The following MCTP1 variants were observed in gnomAD, a reference collection of about 807,000 sequenced individuals.
MCTP1 encodes the protein multiple C2 and transmembrane domain-containing protein 1.
In MCTP1, 69 loss-of-function variants were observed where a neutral mutation model predicts 120.6. That is an observed-to-expected ratio of 0.57 (90% confidence interval 0.47 to 0.70). MCTP1 has a LOEUF of 0.70. Among genes scored for constraint, MCTP1 ranks in the 30% least tolerant of loss-of-function variants. The pLI is 0.00. For missense variants in MCTP1, 1,203 were observed against 1,248.8 expected (o/e 0.96, Z 0.55); for synonymous variants, 529 against 493.1 (o/e 1.07, Z -0.96).
intron 1 of MCTP1, among the ~76,000 whole-genome samples, chr5:95,183,025 C>CAAAA (rs554887788): frequency 3.9e-5 from 4 of 102,390 alleles, no homozygotes; most frequent in African/African-American, 1.5e-4. Context: ...GACTCCGTCT[C>CAAAA]AAAAAAAAAA....
intron 19 of MCTP1, among the ~76,000 whole-genome samples, chr5:94,744,529 A>T (rs868363484): frequency 1.1e-4 from 17 of 150,482 alleles, no homozygotes; most frequent in African/African-American, 4.2e-4. Context: ...TTTGAGACAG[A>T]GTCTTGCTCT....
intron 1 of MCTP1, among the ~76,000 whole-genome samples, chr5:95,140,120 G>C (rs773120651): frequency 2.0e-5 from 3 of 152,282 alleles, no homozygotes; most frequent in Middle Eastern, 3.4e-3. Flanking sequence ...TGCAGAAAAG[G>C]CATCTCATTT....
intron 17 of MCTP1, among the ~76,000 whole-genome samples, chr5:94,801,592 G>A (rs143148852): frequency 8.5e-4 from 130 of 152,230 alleles, no homozygotes; most frequent in African/African-American, 2.6e-3. Context: ...GTGTTCTGGC[G>A]TCATGGATGG....
intron 19 of MCTP1, among the ~76,000 whole-genome samples, chr5:94,749,652 C>T (rs1767777683): frequency 2.4e-5 from 1 of 42,304 alleles, no homozygotes; most frequent in African/African-American, 1.2e-4. Context: ...AAGACTTCAT[C>T]TCAAAAAAAA....
intron 17 of MCTP1, among the ~76,000 whole-genome samples, chr5:94,801,577 T>A (rs959622560): frequency 4.6e-5 from 7 of 152,230 alleles, no homozygotes; most frequent in African/African-American, 1.4e-4. Context: ...TTCATTTGAC[T>A]TAGTGTGTTC....
At chr5:95,153,651 G>A (rs1303559113) in intron 1 of MCTP1, among the ~76,000 whole-genome samples, 4 of 152,212 alleles carry the variant, frequency 2.6e-5, no homozygotes, top group South Asian at 2.1e-4. Context: ...AAAAAGCTCA[G>A]CACAATGGCA....
intron 1 of MCTP1, among the ~76,000 whole-genome samples, chr5:95,248,130 T>A (rs1757007024): frequency 2.0e-5 from 3 of 152,188 alleles, no homozygotes; most frequent in Non-Finnish European, 4.4e-5. Flanking sequence ...GGATGCCCTT[T>A]CTCACCACTC....
chr5:94,947,773 G>A (rs1333692671), intron 3 of MCTP1, among the ~76,000 whole-genome samples: 1 of 149,362 alleles, frequency 6.7e-6, no homozygotes, highest in African/African-American at 2.5e-5. Flanking sequence ...ATGCCACCAT[G>A]TCTGGCTTTA....
chr5:95,109,457 T>C (rs894147370), intron 1 of MCTP1, among the ~76,000 whole-genome samples: 1 of 152,170 alleles, frequency 6.6e-6, no homozygotes, highest in African/African-American at 2.4e-5. Context: ...CTGGCAATTT[T>C]CTCTTCATCC....
chr5:94,837,530 A>G (rs959913972), intron 17 of MCTP1, among the ~76,000 whole-genome samples: 1 of 152,218 alleles, frequency 6.6e-6, no homozygotes, highest in Admixed American at 6.5e-5. Context: ...AAGATAATAG[A>G]GTAACTACCA....
rs145606617 is a variant in MCTP1 at position 94,706,578 on chromosome 5, G to GTTTTTTTTTTTTTT, written c.*917_*918insAAAAAAAAAAAAAA. On this transcript the variant is annotated 3_prime_UTR_variant, in exon 23 of 23. Coordinates refer to ENST00000515393, the MANE Select transcript of MCTP1 (RefSeq NM_024717.7). The stretch of plus-strand genomic sequence containing the variant: ...TTTCAGTAATCTAATGAGAAAGCAG[G>GTTTTTTTTTTTTTT]TTTTTTTTTTCTCTGAGAGCACTTG... 6.8e-6 allele frequency: 1 copy of GTTTTTTTTTTTTTT among 146,670 alleles called. No homozygotes were observed. 9.1% of individuals were successfully genotyped at this position (146,670 alleles called of 1,614,324 possible). A position where few individuals can be genotyped will look rare whatever the true frequency, so the allele number is the denominator to read the frequency against.
chr5:94,883,444 T>A (rs1229773728), intron 12 of MCTP1, among the ~76,000 whole-genome samples: 2 of 152,154 alleles, frequency 1.3e-5, no homozygotes, highest in African/African-American at 4.8e-5. Flanking sequence ...AGGATTTTTG[T>A]TTCAAGCAAT....
At chr5:95,110,090 C>G (rs1757349377) in intron 1 of MCTP1, among the ~76,000 whole-genome samples, 1 of 152,022 alleles carries the variant, frequency 6.6e-6, no homozygotes, top group Non-Finnish European at 1.5e-5. Flanking sequence ...CAAAACAACA[C>G]AGCCTTGCAA....
intron 1 of MCTP1, among the ~76,000 whole-genome samples, chr5:95,067,112 A>T (rs1750858289): frequency 8.3e-6 from 1 of 120,468 alleles, no homozygotes; most frequent in South Asian, 3.0e-4. Flanking sequence ...AGAGGAGAAT[A>T]GTGGTTACCA....
chr5:95,067,769 A>G (rs891365070), intron 1 of MCTP1, among the ~76,000 whole-genome samples: 2 of 152,200 alleles, frequency 1.3e-5, no homozygotes, highest in Non-Finnish European at 2.9e-5. Flanking sequence ...TAAGCTTTCC[A>G]TCACCTCACT....
At chr5:94,837,408 A>C (rs1407072771) in intron 17 of MCTP1, among the ~76,000 whole-genome samples, 2 of 152,032 alleles carry the variant, frequency 1.3e-5, no homozygotes, top group Non-Finnish European at 1.5e-5. Flanking sequence ...CAAAAATGAC[A>C]CAGGGAACTA....
chr5:94,855,372 A>G (rs1187207215), intron 17 of MCTP1, among the ~76,000 whole-genome samples: 1 of 151,776 alleles, frequency 6.6e-6, no homozygotes, highest in African/African-American at 2.4e-5. Flanking sequence ...AACAAACTCT[A>G]CTTCCTGTGA....
chr5:94,732,333 T>C (rs1432876802), intron 19 of MCTP1, among the ~76,000 whole-genome samples: 1 of 152,174 alleles, frequency 6.6e-6, no homozygotes, highest in Non-Finnish European at 1.5e-5. Flanking sequence ...CGTGATTTTT[T>C]TTTTTCTTAG....
At chr5:95,211,144 T>C (rs1752319953) in intron 1 of MCTP1, among the ~76,000 whole-genome samples, 1 of 151,716 alleles carries the variant, frequency 6.6e-6, no homozygotes, top group Non-Finnish European at 1.5e-5. Context: ...AATCTGACAA[T>C]TATGTGTCTT....
Sources: allele counts gnomAD v4.1 joint callset (sites outside exome capture counted in the v4.1 genomes callset), GRCh38; gene constraint gnomAD v4.1.1; transcripts MANE v1.5; gene names NCBI Gene and HGNC (gene_info 2026-07-23, HGNC 2026-07-21).